Variants in RTKN observed in about 807,000 individuals in gnomAD.
The protein encoded by RTKN is rhotekin.
In RTKN, 49 loss-of-function variants were observed where a neutral mutation model predicts 63.5. That is an observed-to-expected ratio of 0.77 (90% CI 0.61 to 0.98). RTKN has a LOEUF of 0.98. RTKN is among the 50% of genes least tolerant of loss of function. The pLI, the probability that RTKN is intolerant of heterozygous loss-of-function variation, is 0.00. For missense variants in RTKN, 685 were observed against 740.8 expected (o/e 0.92, Z 0.87); for synonymous variants, 295 against 290.4 (o/e 1.02, Z -0.16).
intron 6 of RTKN, among the ~76,000 whole-genome samples, chr2:74,429,542 T>C (rs1558541421): frequency 6.6e-6 from 1 of 152,112 alleles, no homozygotes; most frequent in Non-Finnish European, 1.5e-5. Flanking sequence ...CTGGGCAACA[T>C]AGTGAGACCC....
chr2:74,430,722 T>G lies in RTKN; in HGVS notation c.312-45A>C, dbSNP rs758523410. 4.9e-5 allele frequency: 77 copies of G among 1,563,166 alleles called. No homozygotes were observed. In the South Asian group the frequency reaches 8.8e-4, roughly 18 times the overall value. ...TCCTGGCCTGGCCTCTAGCCACTAT[T>G]CCCCCTTGCTCTGGTCCCAACGACT... On this transcript the variant is annotated intron_variant, in intron 2 of 11. Transcript: ENST00000272430.
chr2:74,434,367 G>A (rs1350564740), intron 1 of RTKN, among the ~76,000 whole-genome samples: 1 of 148,126 alleles, frequency 6.8e-6, no homozygotes, highest in South Asian at 2.1e-4. Flanking sequence ...TGCAAACTCC[G>A]CCTCCCAGGT....
chr2:74,440,481 C>T, intron 1 of RTKN: 1 of 986,880 alleles, frequency 1.0e-6, no homozygotes. Context: ...TCCGAGCCAG[C>T]TGCAGCCTAG....
chr2:74,434,453 T>C (rs149844025), intron 1 of RTKN, among the ~76,000 whole-genome samples: 371 of 152,262 alleles, frequency 2.4e-3, no homozygotes, highest in South Asian at 0.012. Context: ...CTAATTTTTG[T>C]ATTTTTAGTA....
chr2:74,426,612 A>C (rs748001494), intron 11 of RTKN, 38 bp from the exon 12 acceptor site: 1 of 1,510,314 alleles, frequency 6.6e-7, no homozygotes, highest in South Asian at 1.3e-5. Context: ...GGGTTGGGCT[A>C]GTCAGAGCTC....
At chr2:74,430,736 G>T in intron 2 of RTKN, 59 bp from the exon 3 acceptor site, 2 of 1,521,378 alleles carry the variant, frequency 1.3e-6, no homozygotes, top group Non-Finnish European at 1.8e-6. Flanking sequence ...CCTTGCTCTG[G>T]TCCCAACGAC....
chr2:74,436,136 G>T lies in RTKN; in HGVS notation c.112-3470C>A, dbSNP rs1301032022. On this transcript the variant is annotated intron_variant, in intron 1 of 11. Transcript: ENST00000272430. The surrounding 1 kb of genome is among the most constrained non-coding windows in gnomAD (Gnocchi z 4.3). The stretch of plus-strand genomic sequence containing the variant: ...GGTGAGCCTGGCAGGAGGGGGACAC[G>T]GAGGTGTCCTCAACCCCCATCTTGG... 6.6e-6 allele frequency among the ~76,000 whole-genome samples: 1 copy of T among 152,206 alleles called. No individual in the cohort carries two copies. The highest frequency in any genetic ancestry group is 1.5e-5 in the Non-Finnish European group (1 of 68,040).
chr2:74,434,174 C>T (rs1297148730), intron 1 of RTKN, among the ~76,000 whole-genome samples: 1 of 151,912 alleles, frequency 6.6e-6, no homozygotes, highest in Non-Finnish European at 1.5e-5. Context: ...GCGATCTCAG[C>T]TCACTGCAAC....
chr2:74,440,095 A>G, intron 1 of RTKN: 1 of 678,004 alleles, frequency 1.5e-6, no homozygotes, highest in Non-Finnish European at 1.9e-6. Flanking sequence ...GGCAGGCACA[A>G]CTGGAAGGGG....
intron 1 of RTKN, among the ~76,000 whole-genome samples, chr2:74,437,849 GCAAA>G (rs892152527): frequency 7.9e-5 from 12 of 152,124 alleles, no homozygotes; most frequent in Admixed American, 2.0e-4. Context: ...CCCTCTCCAG[GCAAA>G]CAAATTAGAT....
rs1313744046 is a variant in RTKN, at chr2:74,426,535, A to C, written c.1400T>G (p.Ile467Ser). 6.5e-7 allele frequency: 1 copy of C among 1,547,586 alleles called. No individual in the cohort carries two copies. The highest frequency in any genetic ancestry group is 1.8e-4 in the Middle Eastern group (1 of 5,644). Reference sequence around the variant, plus strand: ...CCTTGCGCCCTCCCGCTGGGTCAGGATGTCTGTCACCGCTGCGATGTCATC... The same window carrying C: ...CCTTGCGCCCTCCCGCTGGGTCAGGCTGTCTGTCACCGCTGCGATGTCATC... ...PLDDIAAVTD[I>S]LTQREGARLE... is the part of the protein sequence containing the mutation. The change falls in exon 12 of 12, where the codon ATC becomes AGC. Residue 467 changes from isoleucine to serine, a missense_variant. By Grantham distance (142) the Ile-to-Ser change is moderately radical. Coordinates refer to ENST00000272430, the MANE Select transcript of RTKN (RefSeq NM_001015055.2).
Position 74,428,346 on chromosome 2 carries a change from G to A in RTKN, c.1008C>T (p.Gly336=), listed in dbSNP as rs1389490361. Residue 336 remains glycine, a synonymous_variant, in exon 9 of 12, where the codon GGC becomes GGT. Transcript: ENST00000272430. ...NWAQVHGVLK[G]TNLFCYRQPE... ...GTTGCCGGTAACAGAAGAGGTTTGT[G>A]CCTTTCAGAACTCCATGCACTTGTG... 3 of 1,614,138 alleles carry A rather than the reference G, an allele frequency of 1.9e-6. No individual in the cohort carries two copies. The highest frequency in any genetic ancestry group is 4.5e-5 in the East Asian group (2 of 44,880).
intron 2 of RTKN, 93 bp from the exon 3 acceptor site, chr2:74,430,770 G>A (rs561146007): frequency 1.7e-5 from 22 of 1,272,058 alleles, no homozygotes; most frequent in East Asian, 1.2e-4. Context: ...TGATCCCAGC[G>A]CCTCAGCCAC....
At chr2:74,433,718 C>T (rs1644333499) in intron 1 of RTKN, among the ~76,000 whole-genome samples, 1 of 152,168 alleles carries the variant, frequency 6.6e-6, no homozygotes, top group Admixed American at 6.5e-5. Context: ...TGGTCTCGAT[C>T]TCCTGACCTT....
chr2:74,439,927 G>A (rs757596538), intron 1 of RTKN: 3 of 1,219,842 alleles, frequency 2.5e-6, no homozygotes, highest in African/African-American at 3.1e-5. Context: ...TGCAGAGGGG[G>A]CTCTAGGCAC....
intron 11 of RTKN, 86 bp downstream of exon 11, chr2:74,427,080 TTTC>T (rs1419952641): frequency 6.6e-7 from 1 of 1,523,722 alleles, no homozygotes. Context: ...CAGAGTGTGC[TTTC>T]TCTCTGTTTC....
chr2:74,437,733 G>A (rs898449027), intron 1 of RTKN, among the ~76,000 whole-genome samples: 3 of 152,170 alleles, frequency 2.0e-5, no homozygotes, highest in Non-Finnish European at 1.5e-5. Context: ...ACAGTGCAGA[G>A]GACTATGAAT....
In RTKN at chr2:74,428,830, A is replaced by G. The variant is rs756156183; in HGVS notation, c.850+18T>C. 14 of 1,607,054 alleles carry G rather than the reference A, an allele frequency of 8.7e-6. No individual in the cohort carries two copies. Among genetic ancestry groups the G allele is most frequent in the Non-Finnish European group, 1.1e-5 (13 of 1,173,758 alleles). On this transcript the variant is annotated intron_variant, in intron 7 of 11. Transcript: ENST00000272430. ...TCACCATCACATGTGTATGTCCCCCATGCACACACATACTTACCATGACTG... is the reference window on the plus strand; with the variant it reads ...TCACCATCACATGTGTATGTCCCCCGTGCACACACATACTTACCATGACTG...
chr2:74,432,406 G>T, intron 2 of RTKN, 61 bp downstream of exon 2: 1 of 1,490,924 alleles, frequency 6.7e-7, no homozygotes, highest in Non-Finnish European at 9.3e-7. Flanking sequence ...CGCACATGCT[G>T]CACCACCACC....
Sources: gnomAD v4.1 joint callset for allele counts (sites outside exome capture counted in the v4.1 genomes callset) on GRCh38, gnomAD v4.1.1 for gene constraint, Gnocchi (gnomAD v3.1) non-coding constraint, MANE v1.5 for transcripts, NCBI Gene and HGNC (gene_info 2026-07-23, HGNC 2026-07-21) for gene names.